The following BCKDHB variants were observed in gnomAD, a reference collection of about 807,000 sequenced individuals.
BCKDHB encodes the protein branched chain keto acid dehydrogenase E1 subunit beta.
BCKDHB carries 41 observed loss-of-function variants against 48.5 expected under a neutral mutation model. That is an observed-to-expected ratio of 0.85 (90% confidence interval 0.66 to 1.10). The LOEUF is 1.10. BCKDHB is among the 50% of genes least tolerant of loss of function. BCKDHB has a pLI of 0.00. For synonymous variants in BCKDHB, 201 were observed against 174.8 expected (o/e 1.15, Z -1.18); for missense variants, 496 against 494.2 (o/e 1.00, Z -0.03).
the BCKDHB span, among the ~76,000 whole-genome samples, chr6:80,461,153 G>A: frequency 2.0e-5 from 3 of 152,066 alleles, no homozygotes; most frequent in African/African-American, 7.2e-5. Context: ...CACCTCACTA[G>A]ATTTTTTTAC....
the BCKDHB span, among the ~76,000 whole-genome samples, chr6:80,466,230 C>T: frequency 1.3e-5 from 2 of 152,008 alleles, no homozygotes; most frequent in African/African-American, 4.8e-5. Flanking sequence ...TATGTATACC[C>T]CATATTTCCC....
At chr6:80,146,129 T>C (rs984291513) in intron 3 of BCKDHB, among the ~76,000 whole-genome samples, 2 of 152,154 alleles carry the variant, frequency 1.3e-5, no homozygotes, top group African/African-American at 4.8e-5. Context: ...GTATGGAATG[T>C]GGCCAGGGTG....
chr6:80,330,965 A>G (rs1263940200), intron 9 of BCKDHB, among the ~76,000 whole-genome samples: 1 of 152,224 alleles, frequency 6.6e-6, no homozygotes, highest in Admixed American at 6.5e-5. Flanking sequence ...TTTATTTGCA[A>G]AGCTGAATTC....
At chr6:80,375,139 C>A in the BCKDHB span, among the ~76,000 whole-genome samples, 8 of 152,108 alleles carry the variant, frequency 5.3e-5, no homozygotes, top group Non-Finnish European at 1.2e-4. Context: ...AGGTGATGAT[C>A]TTTTTATGAT....
chr6:80,313,653 A>G (rs1343515157), intron 9 of BCKDHB, among the ~76,000 whole-genome samples: 1 of 152,104 alleles, frequency 6.6e-6, no homozygotes, highest in Non-Finnish European at 1.5e-5. Context: ...GAGCCACCAC[A>G]CCTGGCCTGA....
chr6:80,197,948 A>G (rs1408052346), intron 6 of BCKDHB, among the ~76,000 whole-genome samples: 1 of 150,552 alleles, frequency 6.6e-6, no homozygotes, highest in Non-Finnish European at 1.5e-5. Context: ...CCATCCATCC[A>G]TCCATCCATC....
At chr6:80,224,387 A>AT (rs1221089981) in intron 8 of BCKDHB, among the ~76,000 whole-genome samples, 1 of 151,272 alleles carries the variant, frequency 6.6e-6, no homozygotes, top group East Asian at 1.9e-4. Context: ...TAAAAGAGAG[A>AT]TTTTTTTCTT....
At chr6:80,187,064 A>G (rs1773677070) in intron 6 of BCKDHB, among the ~76,000 whole-genome samples, 1 of 152,160 alleles carries the variant, frequency 6.6e-6, no homozygotes, top group African/African-American at 2.4e-5. Context: ...TCTTGGAGGA[A>G]AAGTTTACAG....
At chr6:80,454,258 G>A in the BCKDHB span, 1 of 152,290 alleles carries the variant, frequency 6.6e-6, no homozygotes, top group African/African-American at 2.4e-5. Flanking sequence ...AGAAAAATAG[G>A]CACAATGAGT....
At chr6:80,395,352 G>A in the BCKDHB span, among the ~76,000 whole-genome samples, 17 of 152,192 alleles carry the variant, frequency 1.1e-4, no homozygotes, top group Non-Finnish European at 2.2e-4. Flanking sequence ...GGCTTTGACT[G>A]AAATGCTGAT....
At chr6:80,379,428 G>T in the BCKDHB span, among the ~76,000 whole-genome samples, 3 of 151,766 alleles carry the variant, frequency 2.0e-5, no homozygotes, top group Admixed American at 6.6e-5. Flanking sequence ...AACAAACTAG[G>T]CATAAATGGA....
chr6:80,139,147 G>A (rs915694386), intron 3 of BCKDHB, among the ~76,000 whole-genome samples: 11 of 152,248 alleles, frequency 7.2e-5, no homozygotes, highest in African/African-American at 2.6e-4. Context: ...TTTTGATGGG[G>A]TTGTTTGTCT....
At chr6:80,184,077 T>C (rs1441359985) in intron 6 of BCKDHB, among the ~76,000 whole-genome samples, 1 of 152,178 alleles carries the variant, frequency 6.6e-6, no homozygotes, top group East Asian at 1.9e-4. Flanking sequence ...GGTGTGCAAA[T>C]AAGTTTCAAC....
the BCKDHB span, among the ~76,000 whole-genome samples, chr6:80,351,577 C>CA: frequency 6.6e-6 from 1 of 151,090 alleles, no homozygotes. Context: ...AATAGGTGAC[C>CA]AAAATTGGGC....
At chr6:80,394,359 A>G in the BCKDHB span, among the ~76,000 whole-genome samples, 3 of 151,964 alleles carry the variant, frequency 2.0e-5, no homozygotes, top group Non-Finnish European at 2.9e-5. Flanking sequence ...TATATTCTGA[A>G]TATATCTATT....
chr6:80,166,617 T>G (rs1369801191), intron 3 of BCKDHB, among the ~76,000 whole-genome samples: 1 of 151,196 alleles, frequency 6.6e-6, no homozygotes, highest in African/African-American at 2.4e-5. Flanking sequence ...GATTGCGCCA[T>G]TGCACTCTAG....
At chr6:80,149,489 A>G (rs921845893) in intron 3 of BCKDHB, among the ~76,000 whole-genome samples, 3 of 152,078 alleles carry the variant, frequency 2.0e-5, no homozygotes, top group African/African-American at 7.2e-5. Context: ...AAAGGACTAT[A>G]AATCATGCTG....
the BCKDHB span, among the ~76,000 whole-genome samples, chr6:80,358,604 A>T: frequency 6.6e-6 from 1 of 152,250 alleles, no homozygotes; most frequent in African/African-American, 2.4e-5. Context: ...CATTACGCCA[A>T]GTGAGAGAAG....
intron 3 of BCKDHB, among the ~76,000 whole-genome samples, chr6:80,147,229 C>T (rs1009775089): frequency 3.9e-5 from 6 of 152,126 alleles, no homozygotes; most frequent in African/African-American, 1.4e-4. Flanking sequence ...CCCCAGGTTT[C>T]ACAACTGAAA....
Sources: allele counts gnomAD v4.1 joint callset (sites outside exome capture counted in the v4.1 genomes callset), GRCh38; gene constraint gnomAD v4.1.1; transcripts MANE v1.5; gene names NCBI Gene and HGNC (gene_info 2026-07-23, HGNC 2026-07-21).